Variants in CHODL observed in about 807,000 individuals in gnomAD.
CHODL encodes the protein transmembrane protein MT75.
A neutral mutation model predicts 34.5 loss-of-function variants in CHODL; 29 were observed. That is an observed-to-expected ratio of 0.84 (90% CI 0.63 to 1.15). The LOEUF (loss-of-function observed/expected upper bound fraction) is 1.15. Ranked by LOEUF, CHODL falls within the 50% of genes most tolerant of loss-of-function variation. The probability of loss-of-function intolerance (pLI) is 0.00; values close to 1 mark genes in which losing one functional copy is unlikely to be tolerated. For missense variants in CHODL, 332 were observed against 332.5 expected, an observed-to-expected ratio of 1.00 and a Z score of 0.01; for synonymous variants, 125 against 116.1, an observed-to-expected ratio of 1.08 and a Z score of -0.49.
intron 1 of CHODL, among the ~76,000 whole-genome samples, chr21:17,963,706 T>C (rs767229753): frequency 9.9e-5 from 15 of 152,184 alleles, no homozygotes; most frequent in Non-Finnish European, 1.8e-4. Flanking sequence ...CAATTATCAT[T>C]TTTCTGACAA....
chr21:18,172,267 AT>A (rs2146661630), intron 2 of CHODL, among the ~76,000 whole-genome samples: 1 of 152,268 alleles, frequency 6.6e-6, no homozygotes, highest in South Asian at 2.1e-4. Context: ...CCTTAGGAAA[AT>A]GTTATTCACA....
At chr21:18,259,094 C>A (rs1489243514) in intron 3 of CHODL, among the ~76,000 whole-genome samples, 1 of 152,002 alleles carries the variant, frequency 6.6e-6, no homozygotes, top group Non-Finnish European at 1.5e-5. Context: ...CAAAGGGGGA[C>A]TCTGTGACAT....
At chr21:17,982,398 A>C (rs1311755701) in intron 1 of CHODL, among the ~76,000 whole-genome samples, 1 of 152,182 alleles carries the variant, frequency 6.6e-6, no homozygotes, top group African/African-American at 2.4e-5. Flanking sequence ...AATAAAACAA[A>C]AAGGTTTAGT....
At chr21:18,128,511 T>A (rs2146590569) in intron 2 of CHODL, among the ~76,000 whole-genome samples, 1 of 152,066 alleles carries the variant, frequency 6.6e-6, no homozygotes, top group Non-Finnish European at 1.5e-5. Context: ...ATTAACAGTC[T>A]ATGGTATATT....
At chr21:18,183,790 T>C (rs939025150) in intron 2 of CHODL, among the ~76,000 whole-genome samples, 2 of 139,812 alleles carry the variant, frequency 1.4e-5, no homozygotes, top group African/African-American at 6.1e-5. Flanking sequence ...CAGAGTAAGG[T>C]TGGAACTCTG....
chr21:18,243,315 G>A (rs2074099635), upstream of CHODL, among the ~76,000 whole-genome samples: 1 of 152,192 alleles, frequency 6.6e-6, no homozygotes. Context: ...CCGGGGCTGA[G>A]CTATAGCTCT....
At chr21:18,008,153 TAAA>T (rs905082635) in intron 1 of CHODL, among the ~76,000 whole-genome samples, 2 of 151,804 alleles carry the variant, frequency 1.3e-5, no homozygotes, top group African/African-American at 4.8e-5. Context: ...TTCTTTTTTT[TAAA>T]AAAAAGCTTT....
chr21:18,165,235 C>T (rs2073138571), intron 2 of CHODL, among the ~76,000 whole-genome samples: 1 of 152,224 alleles, frequency 6.6e-6, no homozygotes, highest in Non-Finnish European at 1.5e-5. Flanking sequence ...TACAAGCCAT[C>T]ATCCCCTCTT....
chr21:18,104,279 C>T (rs201179118), intron 2 of CHODL, among the ~76,000 whole-genome samples: 1 of 152,188 alleles, frequency 6.6e-6, no homozygotes, highest in South Asian at 2.1e-4. Context: ...GGGGCAGTTT[C>T]CCCCATGTTG....
At chr21:18,038,602 G>A (rs550366287) in intron 2 of CHODL, among the ~76,000 whole-genome samples, 36 of 151,780 alleles carry the variant, frequency 2.4e-4, no homozygotes, top group African/African-American at 7.7e-4. Context: ...ACTAAGTTTA[G>A]ATAGAAGCTC....
chr21:17,928,283 C>G (rs1029098045), intron 1 of CHODL, among the ~76,000 whole-genome samples: 3 of 152,176 alleles, frequency 2.0e-5, no homozygotes, highest in African/African-American at 7.2e-5. Flanking sequence ...CCAAGACTAG[C>G]ACACATGAAA....
chr21:18,009,141 T>C (rs921606715), intron 1 of CHODL, among the ~76,000 whole-genome samples: 2 of 152,232 alleles, frequency 1.3e-5, no homozygotes, highest in Non-Finnish European at 1.5e-5. Flanking sequence ...GAGTCCAAAC[T>C]GTACTTATGA....
intron 2 of CHODL, among the ~76,000 whole-genome samples, chr21:18,111,243 A>G (rs1160116737): frequency 6.6e-6 from 1 of 152,216 alleles, no homozygotes; most frequent in Non-Finnish European, 1.5e-5. Flanking sequence ...AGATCTTTTC[A>G]TGATAAAATC....
At chr21:18,232,963 A>C (rs989983606) in intron 2 of CHODL, among the ~76,000 whole-genome samples, 1 of 142,850 alleles carries the variant, frequency 7.0e-6, no homozygotes. Flanking sequence ...ATATATATAT[A>C]TATATATATG....
intron 2 of CHODL, among the ~76,000 whole-genome samples, chr21:18,077,949 TGAA>T (rs932139351): frequency 3.3e-5 from 5 of 152,200 alleles, no homozygotes; most frequent in African/African-American, 9.7e-5. Flanking sequence ...ACAATGGCCT[TGAA>T]GAAGAAGGGG....
intron 2 of CHODL, among the ~76,000 whole-genome samples, chr21:18,167,226 T>TGTGG (rs1237587577): frequency 5.9e-5 from 7 of 118,216 alleles, no homozygotes; most frequent in African/African-American, 2.8e-4. Flanking sequence ...TGTGTGTGTG[T>TGTGG]GTGTGTGTGT....
intron 2 of CHODL, among the ~76,000 whole-genome samples, chr21:18,227,809 A>T (rs1469165234): frequency 6.6e-6 from 1 of 152,178 alleles, no homozygotes; most frequent in Non-Finnish European, 1.5e-5. Flanking sequence ...AGATAAAATA[A>T]ATCTCTGCAA....
intron 2 of CHODL, among the ~76,000 whole-genome samples, chr21:18,058,556 GAC>G (rs1420692022): frequency 6.6e-6 from 1 of 152,144 alleles, no homozygotes; most frequent in Non-Finnish European, 1.5e-5. Flanking sequence ...GAGCTTGGAG[GAC>G]ATTATGTCAA....
chr21:18,103,046 A>G (rs2065233945), intron 2 of CHODL, among the ~76,000 whole-genome samples: 1 of 152,204 alleles, frequency 6.6e-6, no homozygotes, highest in African/African-American at 2.4e-5. Context: ...AGAATAGATG[A>G]AAAAGTATTT....
Sources: gnomAD v4.1 joint callset for allele counts (sites outside exome capture counted in the v4.1 genomes callset) on GRCh38, gnomAD v4.1.1 for gene constraint, MANE v1.5 for transcripts, NCBI Gene and HGNC (gene_info 2026-07-23, HGNC 2026-07-21) for gene names.